The following ZNF532 variants were observed in gnomAD, a reference collection of about 807,000 sequenced individuals.
ZNF532 encodes zinc finger protein 532.
In ZNF532, 22 loss-of-function variants were observed where a neutral mutation model predicts 89.3. The observed-to-expected ratio is 0.25, with a 90% CI of 0.18 to 0.35. ZNF532 has a LOEUF of 0.35. Ranked by LOEUF, ZNF532 falls within the 10% of genes least tolerant of loss-of-function variation. ZNF532 has a pLI of 1.00. For missense variants in ZNF532, 1,132 were observed against 1,643.4 expected, an observed-to-expected ratio of 0.69 and a Z score of 5.38; for synonymous variants, 606 against 649.6, an observed-to-expected ratio of 0.93 and a Z score of 1.02.
chr18:58,868,326 TA>T (rs1044683484), intron 2 of ZNF532, among the ~76,000 whole-genome samples: 5 of 152,358 alleles, frequency 3.3e-5, no homozygotes, highest in Non-Finnish European at 7.3e-5. Flanking sequence ...AGAATTAGCT[TA>T]AAAAAATTTA....
chr18:58,923,569 G>A (rs2061294497), intron 3 of ZNF532, among the ~76,000 whole-genome samples: 1 of 152,060 alleles, frequency 6.6e-6, no homozygotes, highest in African/African-American at 2.4e-5. Flanking sequence ...TGTTGCCTGG[G>A]GTGCTATCCA....
intron 2 of ZNF532, chr18:58,916,836 A>C (rs2060635041): frequency 1.7e-6 from 1 of 599,102 alleles, no homozygotes; most frequent in Admixed American, 6.3e-5. Context: ...TTGACCCTGG[A>C]ATAGTTACTT....
chr18:58,959,659 A>G (rs1240781415), intron 7 of ZNF532, among the ~76,000 whole-genome samples: 3 of 152,192 alleles, frequency 2.0e-5, no homozygotes, highest in African/African-American at 7.2e-5. Flanking sequence ...TACCAGTGTG[A>G]CTTTGTGAAA....
intron 5 of ZNF532, among the ~76,000 whole-genome samples, chr18:58,943,587 T>C (rs1363795857): frequency 2.6e-5 from 4 of 151,942 alleles, no homozygotes; most frequent in Non-Finnish European, 5.9e-5. Flanking sequence ...CTCAGCCTCC[T>C]GAGTAGCTGG....
intron 2 of ZNF532, among the ~76,000 whole-genome samples, chr18:58,880,751 GGCGCGCGCGCAC>G (rs1191074840): frequency 4.6e-4 from 37 of 80,244 alleles, no homozygotes; most frequent in South Asian, 3.8e-3. Context: ...CCCTCTCATA[GGCGCGCGCGCAC>G]GCGCGCGCGT....
chr18:58,916,406 G>C (rs1207054228), intron 2 of ZNF532, among the ~76,000 whole-genome samples: 1 of 152,180 alleles, frequency 6.6e-6, no homozygotes, highest in Non-Finnish European at 1.5e-5. Context: ...TTGTACGTCA[G>C]TATCCCTTTA....
At chr18:58,875,837 C>T (rs2057376531) in intron 2 of ZNF532, among the ~76,000 whole-genome samples, 1 of 151,922 alleles carries the variant, frequency 6.6e-6, no homozygotes, top group African/African-American at 2.4e-5. Context: ...TGTAAAAGCT[C>T]CAGTTTGCTG....
rs139495108 is a variant in ZNF532, at chr18:58,886,298, G to T, written c.-18+20719G>T. Among the ~76,000 whole-genome samples, 238 of 152,162 alleles carry T rather than the reference G, an allele frequency of 1.6e-3. 1 individual carries two copies. The highest frequency in any genetic ancestry group is 5.5e-3 in the African/African-American group (227 of 41,530). Reference sequence around the variant, plus strand: ...ACCTGGTCCTTTCATTCAATTTTATGTATCTAGGAATTTTACGTGTCTATA... The same window carrying T: ...ACCTGGTCCTTTCATTCAATTTTATTTATCTAGGAATTTTACGTGTCTATA... On this transcript the variant is annotated intron_variant, in intron 2 of 9. Coordinates refer to ENST00000591808, the MANE Select transcript of ZNF532 (RefSeq NM_001375912.1).
At chr18:58,942,405 TCCTA>T (rs1472255134) in intron 5 of ZNF532, among the ~76,000 whole-genome samples, 164 of 139,136 alleles carry the variant, frequency 1.2e-3, no homozygotes, top group African/African-American at 4.4e-3. Flanking sequence ...CTTCCTTCCT[TCCTA>T]AGTGCAAGCC....
At position 58,942,796 on chromosome 18, in the gene ZNF532, C is replaced by G. The variant is rs562255713; in HGVS notation, c.2705+3175C>G. ...CCAAAATGACTAAATAGTCCCAGCT[C>G]AGGCAGTGAAATTCCCCAGCAGTAT... is the stretch of plus-strand genomic sequence containing the variant. On this transcript the variant is annotated intron_variant, in intron 5 of 9. Coordinates refer to ENST00000591808, the MANE Select transcript of ZNF532 (RefSeq NM_001375912.1). Among the ~76,000 whole-genome samples, 6 of 152,348 alleles carry G rather than the reference C, an allele frequency of 3.9e-5. No individual in the cohort carries two copies. The South Asian group carries it at 1.2e-3, about 32-fold the overall frequency.
intron 5 of ZNF532, among the ~76,000 whole-genome samples, chr18:58,943,804 C>G (rs1568387342): frequency 6.6e-6 from 1 of 152,086 alleles, no homozygotes; most frequent in Non-Finnish European, 1.5e-5. Context: ...TCTATTTTTT[C>G]CTTGACTGCT....
At chr18:58,979,627 A>C (rs1046703772) in intron 8 of ZNF532, 1 of 152,826 alleles carries the variant, frequency 6.5e-6, no homozygotes, top group Non-Finnish European at 1.5e-5. Flanking sequence ...ACCTTGGGTG[A>C]CCCACCTGCT....
chr18:58,943,603 C>A (rs2063407055), intron 5 of ZNF532, among the ~76,000 whole-genome samples: 1 of 152,060 alleles, frequency 6.6e-6, no homozygotes, highest in Admixed American at 6.6e-5. Context: ...GCTGGAATTA[C>A]AGGCACGCGC....
Position 58,918,920 on chromosome 18 carries a change from C to A in ZNF532, c.633C>A (p.Asn211Lys), listed in dbSNP as rs762781943. The change falls in exon 3 of 10, where the codon AAC (asparagine) becomes AAA (lysine). Residue 211 changes from asparagine to lysine, a missense_variant. Asn to Lys is a moderately conservative substitution (Grantham distance 94, BLOSUM62 0). Transcript: ENST00000591808. Reference sequence around the variant, plus strand: ...GAGAAACAGAAGCCAGTTCTATAAACCTGAGTGTTTATGAACCTTTTAAAG... The same window carrying A: ...GAGAAACAGAAGCCAGTTCTATAAAACTGAGTGTTTATGAACCTTTTAAAG... ...VKRETEASSI[N>K]LSVYEPFKVR... 7 of 1,613,802 alleles carry A rather than the reference C, an allele frequency of 4.3e-6. No homozygotes were observed. Among genetic ancestry groups the A allele is most frequent in the Non-Finnish European group, 5.9e-6 (7 of 1,180,050 alleles).
At chr18:58,981,254 G>A (rs1042554048) in intron 8 of ZNF532, 85 of 578,108 alleles carry the variant, frequency 1.5e-4, no homozygotes, top group Admixed American at 2.3e-4. Context: ...CTTTTGAAAT[G>A]CAATATTTTC....
Position 58,918,708 on chromosome 18 carries a change from G to T in ZNF532, c.421G>T (p.Asp141Tyr). 6.2e-7 allele frequency: 1 copy of T among 1,614,122 alleles called. No individual in the cohort carries two copies. Among genetic ancestry groups the T allele is most frequent in the Non-Finnish European group, 8.5e-7 (1 of 1,180,032 alleles). ...CTCCAGTGCTGAAGAGTTTGATGAC[G>T]ACGAGAAGATTGAGGTGGATGACCC... ...PISSAEEFDD[D>Y]EKIEVDDPPD... Residue 141 changes from aspartate (D) to tyrosine (Y), a missense_variant, in exon 3 of 10, where the codon GAC becomes TAC. By Grantham distance (160) the Asp-to-Tyr change is radical. Transcript: ENST00000591808.
At chr18:58,916,368 T>C (rs762343032) in intron 2 of ZNF532, among the ~76,000 whole-genome samples, 1 of 152,232 alleles carries the variant, frequency 6.6e-6, no homozygotes, top group Non-Finnish European at 1.5e-5. Context: ...TCACAGACTT[T>C]CCACTGAATC....
At chr18:58,877,218 G>T (rs978375767) in intron 2 of ZNF532, among the ~76,000 whole-genome samples, 1 of 152,184 alleles carries the variant, frequency 6.6e-6, no homozygotes, top group Non-Finnish European at 1.5e-5. Context: ...TAGAATGGGG[G>T]TTAGAAGAGC....
chr18:58,978,975 A>G (rs1409188344), intron 7 of ZNF532, 80 bp from the exon 8 acceptor site: 1 of 1,152,408 alleles, frequency 8.7e-7, no homozygotes, highest in African/African-American at 1.5e-5. Context: ...GATTTAACTT[A>G]AACTATTACA....
Sources: gnomAD v4.1 joint callset for allele counts (sites outside exome capture counted in the v4.1 genomes callset) on GRCh38, gnomAD v4.1.1 for gene constraint, MANE v1.5 for transcripts, NCBI Gene and HGNC (gene_info 2026-07-23, HGNC 2026-07-21) for gene names.